The following RALYL variants were observed in gnomAD, a reference collection of about 807,000 sequenced individuals.
The protein encoded by RALYL is RALY RNA binding protein like, also known as RNA-binding Raly-like protein.
In RALYL, 29 loss-of-function variants were observed where a neutral mutation model predicts 35.1. The ratio of observed to expected loss-of-function variants is 0.83; its 90% CI spans 0.61 to 1.13. The LOEUF is 1.13. RALYL is among the 50% of genes most tolerant of loss of function. The pLI, the probability that RALYL is intolerant of heterozygous loss-of-function variation, is 0.00. For missense variants in RALYL, 359 were observed against 360.4 expected (o/e 1.00, Z 0.03); for synonymous variants, 120 against 127.6 (o/e 0.94, Z 0.40).
intron 8 of RALYL, among the ~76,000 whole-genome samples, chr8:84,891,669 A>G (rs1843873072): frequency 6.6e-6 from 1 of 152,188 alleles, no homozygotes; most frequent in African/African-American, 2.4e-5. Flanking sequence ...TTGGAAAATA[A>G]TAAATGAGGA....
At chr8:84,531,363 C>A (rs2059266578) in intron 2 of RALYL, among the ~76,000 whole-genome samples, 1 of 151,930 alleles carries the variant, frequency 6.6e-6, no homozygotes, top group Non-Finnish European at 1.5e-5. Context: ...TGGGTAAGTG[C>A]CTGATATTTA....
intron 2 of RALYL, among the ~76,000 whole-genome samples, chr8:84,680,395 TCTAGTACTAGATCCCTGAGG>T (rs1835189945): frequency 3.3e-5 from 5 of 152,210 alleles, no homozygotes; most frequent in African/African-American, 1.2e-4. Flanking sequence ...AAATGGTATT[TCTAGTACTAGATCCCTGAGG>T]AATCGCCACA....
chr8:84,878,060 A>C (rs1450359657), intron 7 of RALYL, among the ~76,000 whole-genome samples: 1 of 152,172 alleles, frequency 6.6e-6, no homozygotes, highest in Non-Finnish European at 1.5e-5. Context: ...CAAACTCCCA[A>C]AAAGCTCAGA....
chr8:84,271,060 T>A (rs755427375), intron 1 of RALYL, among the ~76,000 whole-genome samples: 1 of 151,980 alleles, frequency 6.6e-6, no homozygotes, highest in Non-Finnish European at 1.5e-5. Flanking sequence ...AATAGAACTT[T>A]ATCAAATTAA....
rs138134854 is a variant in RALYL at position 84,532,965 on chromosome 8, A to C, written c.256+3388A>C. On this transcript the variant is annotated intron_variant, in intron 2 of 8. Transcript: ENST00000521268. ...AGCTTCTGTCTTTGATATATAATAG[A>C]AGACTGCTAAAACCTCTGTGGAAAA... 2.0e-3 allele frequency among the ~76,000 whole-genome samples: 310 copies of C among 152,190 alleles called. 1 individual carries two copies. The highest frequency in any genetic ancestry group is 3.5e-3 in the Non-Finnish European group (239 of 67,940).
chr8:84,460,717 A>C (rs1481080859), intron 1 of RALYL, among the ~76,000 whole-genome samples: 2 of 151,734 alleles, frequency 1.3e-5, no homozygotes, highest in African/African-American at 4.8e-5. Flanking sequence ...ACAAAAGTGG[A>C]AAAAGAACTT....
intron 2 of RALYL, among the ~76,000 whole-genome samples, chr8:84,532,299 A>G (rs745522848): frequency 2.6e-5 from 4 of 152,006 alleles, no homozygotes; most frequent in Non-Finnish European, 2.9e-5. Context: ...TTCCCTATAG[A>G]AGTTAGTTCA....
intron 1 of RALYL, among the ~76,000 whole-genome samples, chr8:84,270,491 A>G (rs753242253): frequency 6.6e-6 from 1 of 152,074 alleles, no homozygotes; most frequent in Non-Finnish European, 1.5e-5. Context: ...TCTTATGTCC[A>G]AAGGAGTGCA....
chr8:84,324,591 G>GTTTT lies in RALYL; in HGVS notation c.-24+140168_-24+140169insTTTT, dbSNP rs145127532. On this transcript the variant is annotated intron_variant, in intron 1 of 8. Transcript: ENST00000521268. ...GTTTATATTTTTTCAGTAAATAGTT[G>GTTTT]TGTTTTTTTTTGTAAACTTTTCCAG... 8.0e-3 allele frequency among the ~76,000 whole-genome samples: 1,205 copies of GTTTT among 151,168 alleles called. 23 individuals are homozygous for GTTTT. The highest frequency in any genetic ancestry group is 0.028 in the African/African-American group (1,146 of 41,080).
rs143534479 is a variant in RALYL at position 84,908,552 on chromosome 8, A to G, written c.859-12342A>G. On this transcript the variant is annotated intron_variant, in intron 8 of 8. Transcript: ENST00000521268. The stretch of plus-strand genomic sequence containing the variant: ...TCCTTCCTTCTTTTCTTAAGGCTGA[A>G]TAGTATTCCATTGTGTATATATGCC... Among the ~76,000 whole-genome samples the G allele has an allele frequency of 1.4e-3, 219 of 152,258 alleles. 1 individual carries two copies. Among genetic ancestry groups the G allele is most frequent in the African/African-American group, 4.8e-3 (198 of 41,564 alleles).
At chr8:84,399,013 A>G (rs2042627834) in intron 1 of RALYL, among the ~76,000 whole-genome samples, 1 of 150,734 alleles carries the variant, frequency 6.6e-6, no homozygotes, top group South Asian at 2.1e-4. Context: ...AAGAAATCTT[A>G]TTATAGTTTT....
At chr8:84,869,538 A>C (rs1839806257) in intron 6 of RALYL, among the ~76,000 whole-genome samples, 1 of 152,256 alleles carries the variant, frequency 6.6e-6, no homozygotes, top group South Asian at 2.1e-4. Flanking sequence ...GTTTGGCATG[A>C]TCGGCATTTG....
intron 1 of RALYL, among the ~76,000 whole-genome samples, chr8:84,353,384 T>G (rs1168617133): frequency 3.3e-5 from 5 of 150,348 alleles, no homozygotes; most frequent in African/African-American, 4.9e-5. Context: ...TTTTATTCAT[T>G]TTTGTGTCTC....
intron 1 of RALYL, among the ~76,000 whole-genome samples, chr8:84,435,184 C>T (rs1332762207): frequency 6.6e-6 from 1 of 151,976 alleles, no homozygotes; most frequent in South Asian, 2.1e-4. Context: ...GTGATTCTAA[C>T]ACTGTGATTA....
At chr8:84,425,251 G>A (rs1426309838) in intron 1 of RALYL, among the ~76,000 whole-genome samples, 1 of 152,044 alleles carries the variant, frequency 6.6e-6, no homozygotes. Context: ...ATAGTCTCGT[G>A]GTGCGCCGTT....
intron 1 of RALYL, among the ~76,000 whole-genome samples, chr8:84,232,022 T>G (rs191595528): frequency 1.3e-5 from 2 of 152,298 alleles, no homozygotes; most frequent in African/African-American, 4.8e-5. Flanking sequence ...AAAAAAAGGC[T>G]TTAATAAAGC....
intron 1 of RALYL, among the ~76,000 whole-genome samples, chr8:84,315,500 C>T (rs1346451731): frequency 6.6e-6 from 1 of 152,018 alleles, no homozygotes; most frequent in Non-Finnish European, 1.5e-5. Context: ...AAAGGAATTG[C>T]AGGTCTAGGG....
intron 1 of RALYL, among the ~76,000 whole-genome samples, chr8:84,417,123 A>G (rs980188237): frequency 6.6e-6 from 1 of 152,034 alleles, no homozygotes; most frequent in Non-Finnish European, 1.5e-5. Flanking sequence ...CAAAAAAAAA[A>G]AAAGAGGAAA....
Position 84,378,078 on chromosome 8 carries a change from C to T in RALYL, c.-23-151221C>T, listed in dbSNP as rs369092884. Among the ~76,000 whole-genome samples the T allele has an allele frequency of 1.3e-4, 19 of 151,996 alleles. 1 individual carries two copies. In the East Asian group the frequency reaches 2.5e-3, roughly 20 times the overall value. On this transcript the variant is annotated intron_variant, in intron 1 of 8. Coordinates refer to ENST00000521268, the MANE Select transcript of RALYL (RefSeq NM_173848.7). ...TTCAATGTTTCCTTGGATAGATAAA[C>T]TACGTTTTATTCTTTGATTTTCCTT...
Sources: gnomAD v4.1 joint callset for allele counts (sites outside exome capture counted in the v4.1 genomes callset) on GRCh38, gnomAD v4.1.1 for gene constraint, MANE v1.5 for transcripts, NCBI Gene and HGNC (gene_info 2026-07-23, HGNC 2026-07-21) for gene names.